Variants in CTR9 observed in about 807,000 individuals in gnomAD.
CTR9 encodes the protein RNA polymerase-associated protein CTR9 homolog.
A neutral mutation model predicts 152.1 loss-of-function variants in CTR9; 41 were observed. The ratio of observed to expected loss-of-function variants is 0.27; its 90% CI spans 0.21 to 0.35. The LOEUF (loss-of-function observed/expected upper bound fraction) is 0.35. CTR9 is among the 10% of genes least tolerant of loss of function. CTR9 has a pLI of 1.00. For synonymous variants in CTR9, 476 were observed against 496.2 expected, an observed-to-expected ratio of 0.96 and a Z score of 0.54; for missense variants, 917 against 1,424.4, an observed-to-expected ratio of 0.64 and a Z score of 5.73.
intron 12 of CTR9, among the ~76,000 whole-genome samples, chr11:10,766,148 A>G (rs1863055975): frequency 6.6e-6 from 1 of 152,212 alleles, no homozygotes; most frequent in African/African-American, 2.4e-5. Flanking sequence ...TGAGATAAGG[A>G]CTTGGACCAG....
Position 10,766,387 on chromosome 11 carries a change from TA to T in CTR9, c.1598-12del, listed in dbSNP as rs1863060372. 8 of 1,588,336 alleles carry T rather than the reference TA, an allele frequency of 5.0e-6. No homozygotes were observed. The highest frequency in any genetic ancestry group is 6.9e-6 in the Non-Finnish European group (8 of 1,167,356). ...CTAATATTTGGGATATAAAAACTTT[TA>T]AATATGTTTTCAGGCTATTTGCGCC... is the stretch of plus-strand genomic sequence containing the variant. On this transcript the variant is annotated splice_polypyrimidine_tract_variant and intron_variant, in intron 12 of 24. Coordinates refer to ENST00000361367, the MANE Select transcript of CTR9 (RefSeq NM_014633.5).
rs75206030 is a variant in CTR9, at chr11:10,775,263, C to G, written c.2942C>G (p.Pro981Arg). ...DDDETENGPK[P>R]KKRRPPKAEK... The stretch of plus-strand genomic sequence containing the variant: ...GATGAAACAGAAAATGGCCCCAAAC[C>G]AAAAAAACGACGTCCACCAAAAGCA... Residue 981 changes from proline (P) to arginine (R), a missense_variant, in exon 23 of 25, where the codon CCA (proline) becomes CGA (arginine). This residue lies in a region of CTR9 where 384 missense variants were observed against 398.4 expected (regional missense o/e 0.96). Transcript: ENST00000361367. 249 of 1,613,446 alleles carry G rather than the reference C, an allele frequency of 1.5e-4. 2 individuals carry two copies. The East Asian group carries it at 3.0e-3, about 20-fold the overall frequency.
chr11:10,772,343 A>G (rs1474420419), intron 19 of CTR9, among the ~76,000 whole-genome samples, 177 bp from the exon 20 acceptor site: 1 of 152,176 alleles, frequency 6.6e-6, no homozygotes, highest in African/African-American at 2.4e-5. Flanking sequence ...AACAAGAGCA[A>G]AACTCTGTCT....
At chr11:10,756,666 T>C in intron 4 of CTR9, 83 bp from the exon 5 acceptor site, 1 of 889,536 alleles carries the variant, frequency 1.1e-6, no homozygotes, top group Non-Finnish European at 1.7e-6. Context: ...AGAGATGTAT[T>C]TAACTTAGAT....
chr11:10,752,864 G>T, intron 2 of CTR9, 94 bp downstream of exon 2: 2 of 947,914 alleles, frequency 2.1e-6, no homozygotes. Flanking sequence ...TTGGCTGCAT[G>T]GTAGATTAGT....
At chr11:10,764,474 T>A in intron 11 of CTR9, 38 bp downstream of exon 11, 1 of 1,558,782 alleles carries the variant, frequency 6.4e-7, no homozygotes, top group East Asian at 2.4e-5. Flanking sequence ...TTATACTGAA[T>A]CAAGTTGCAT....
chr11:10,755,659 A>G lies in CTR9; in HGVS notation c.385-19A>G. 1.3e-6 allele frequency: 2 copies of G among 1,511,688 alleles called. No individual in the cohort carries two copies. Among genetic ancestry groups the G allele is most frequent in the Non-Finnish European group, 1.8e-6 (2 of 1,088,402 alleles). The allele number at this position is 1,511,688 out of a possible 1,614,324, so 93.6% of individuals were successfully genotyped here. ...ATGGTATATAGGGGTAAAATCTAAG[A>G]TAATACATTACTTCATAGAACCATT... On this transcript the variant is annotated intron_variant, in intron 3 of 24. Transcript: ENST00000361367.
chr11:10,769,412 G>T (rs113555026), intron 16 of CTR9, among the ~76,000 whole-genome samples: 1 of 152,102 alleles, frequency 6.6e-6, no homozygotes, highest in African/African-American at 2.4e-5. Context: ...CTTACAAAAA[G>T]TAGACAAAAA....
chr11:10,773,389 T>C, intron 21 of CTR9, 116 bp downstream of exon 21: 1 of 1,218,336 alleles, frequency 8.2e-7, no homozygotes, highest in Non-Finnish European at 1.2e-6. Flanking sequence ...TCCTCTTTTG[T>C]TAAGAGACAG....
chr11:10,770,334 G>A lies in CTR9; in HGVS notation c.2226+8G>A. ...AAACAGACTTTGCTGAAGGTAAAAA[G>A]GAGAGATGTTATTCCCATCCATTTC... On this transcript the variant is annotated splice_region_variant and intron_variant, in intron 17 of 24. Coordinates refer to ENST00000361367, the MANE Select transcript of CTR9 (RefSeq NM_014633.5). 2.5e-6 allele frequency: 4 copies of A among 1,609,318 alleles called. No homozygotes were observed. Among genetic ancestry groups the A allele is most frequent in the Non-Finnish European group, 3.4e-6 (4 of 1,176,918 alleles).
At position 10,767,668 on chromosome 11, in the gene CTR9, AAG is replaced by A; in HGVS notation, c.1687-136_1687-135del. On this transcript the variant is annotated intron_variant, in intron 13 of 24. Coordinates refer to ENST00000361367, the MANE Select transcript of CTR9 (RefSeq NM_014633.5). This position sits in a 1 kb window ranked among gnomAD's most constrained non-coding sequence, Gnocchi z 4.0. ...ATTTGGATTGCCATGCAAAAAAAAAAAGAAAGAAAGAAAAGAAAGAAAACCAC... is the reference window on the plus strand; with the variant it reads ...ATTTGGATTGCCATGCAAAAAAAAAAAAAGAAAGAAAAGAAAGAAAACCAC... 4 of 760,446 alleles carry A rather than the reference AAG, an allele frequency of 5.3e-6. No individual in the cohort carries two copies. Among genetic ancestry groups the A allele is most frequent in the Non-Finnish European group, 6.3e-6 (3 of 475,386 alleles). The allele number at this position is 760,446 out of a possible 1,614,324, so 47.1% of individuals were successfully genotyped here.
intron 2 of CTR9, 108 bp downstream of exon 2, chr11:10,752,878 A>T: frequency 1.2e-6 from 1 of 823,702 alleles, no homozygotes; most frequent in South Asian, 1.5e-5. Context: ...GATTAGTTAT[A>T]CCATGTGTAT....
chr11:10,764,528 G>C lies in CTR9; in HGVS notation c.1414-20G>C. 1 of 1,603,680 alleles carries C rather than the reference G, an allele frequency of 6.2e-7. No homozygotes were observed. The highest frequency in any genetic ancestry group is 8.5e-7 in the Non-Finnish European group (1 of 1,172,484). On this transcript the variant is annotated intron_variant, in intron 11 of 24. Transcript: ENST00000361367. ...TGTATAAACTAAATCTTTTAACAGT[G>C]TGATTTTTCTTTCTCATAGAAATAT...
In CTR9 at chr11:10,752,770, G is replaced by A; in HGVS notation, c.144G>A (p.Ala48=). The A allele has an allele frequency of 2.5e-6, 4 of 1,610,360 alleles. No homozygotes were observed. Among genetic ancestry groups the A allele is most frequent in the Non-Finnish European group, 3.4e-6 (4 of 1,177,116 alleles). The change falls in exon 2 of 25, where the codon GCG becomes GCA. Residue 48 remains alanine, a splice_region_variant and synonymous_variant. Coordinates refer to ENST00000361367, the MANE Select transcript of CTR9 (RefSeq NM_014633.5). The stretch of plus-strand genomic sequence containing the variant: ...AACTGCACATATGGATTGCTTTGGC[G>A]GTCAGTATTCATGTAGCAAATATTT... The part of the protein sequence containing the change: ...HTQLHIWIAL[A]LEYYKQGKTE...
At chr11:10,775,151 C>G (rs1023815501) in intron 22 of CTR9, 56 bp from the exon 23 acceptor site, 18 of 1,402,292 alleles carry the variant, frequency 1.3e-5, no homozygotes, top group Non-Finnish European at 1.8e-5. Flanking sequence ...GCAAAGTAGT[C>G]TGGAACTTTA....
intron 5 of CTR9, 23 bp downstream of exon 5, chr11:10,756,861 T>G: frequency 6.9e-7 from 1 of 1,452,890 alleles, no homozygotes; most frequent in Non-Finnish European, 9.7e-7. Flanking sequence ...TTTTATTTTA[T>G]GTCTAAACTG....
Position 10,756,628 on chromosome 11 carries a change from G to C in CTR9, c.503-121G>C, listed in dbSNP as rs1862888443. ...AAACAAATTTTTAATATGAAATTTT[G>C]TTCTGTGTTTTCAAGTATTTCTCAC... On this transcript the variant is annotated intron_variant, in intron 4 of 24. Coordinates refer to ENST00000361367, the MANE Select transcript of CTR9 (RefSeq NM_014633.5). 8.2e-6 allele frequency: 5 copies of C among 613,486 alleles called. No homozygotes were observed. In the South Asian group the frequency reaches 1.5e-4, roughly 18 times the overall value. 38.0% of individuals were successfully genotyped at this position (613,486 alleles called of 1,614,324 possible).
chr11:10,763,100 G>A (rs563606331), intron 7 of CTR9, among the ~76,000 whole-genome samples: 1,527 of 151,012 alleles, frequency 0.01, 10 homozygotes, highest in Non-Finnish European at 0.017. Context: ...TTTGTGGGTG[G>A]ATAAGTTGAG....
At chr11:10,770,002 G>T (rs578032605) in intron 16 of CTR9, among the ~76,000 whole-genome samples, 1 of 152,180 alleles carries the variant, frequency 6.6e-6, no homozygotes, top group Admixed American at 6.5e-5. Context: ...CAAGCATCTA[G>T]TTTTTCTAAT....
Sources: gnomAD v4.1 joint callset for allele counts (sites outside exome capture counted in the v4.1 genomes callset) on GRCh38, gnomAD v4.1.1 for gene constraint, gnomAD v4.1.1 regional missense constraint, Gnocchi (gnomAD v3.1) non-coding constraint, MANE v1.5 for transcripts, NCBI Gene and HGNC (gene_info 2026-07-23, HGNC 2026-07-21) for gene names.